Variants in PIEZO2 observed in about 807,000 individuals in gnomAD.
PIEZO2 encodes the protein piezo-type mechanosensitive ion channel component 2.
A neutral mutation model predicts 337.3 loss-of-function variants in PIEZO2; 172 were observed. That is an observed-to-expected ratio of 0.51 (90% CI 0.45 to 0.58). The LOEUF (loss-of-function observed/expected upper bound fraction) is 0.58, where lower values mean the gene tolerates loss of function less well. PIEZO2 is among the 20% of genes least tolerant of loss of function. The pLI, the probability that PIEZO2 is intolerant of heterozygous loss-of-function variation, is 0.00. For synonymous variants in PIEZO2, 1,251 were observed against 1,228.5 expected (o/e 1.02, Z -0.38); for missense variants, 3,028 against 3,391.3 (o/e 0.89, Z 2.66).
intron 14 of PIEZO2, among the ~76,000 whole-genome samples, chr18:10,790,239 A>G (rs1393699977): frequency 6.6e-6 from 1 of 152,232 alleles, no homozygotes; most frequent in Admixed American, 6.5e-5. Context: ...GGTCCAAATA[A>G]GAAACTAAAC....
chr18:10,944,747 G>A (rs1390965630), intron 3 of PIEZO2, among the ~76,000 whole-genome samples: 1 of 151,708 alleles, frequency 6.6e-6, no homozygotes, highest in Non-Finnish European at 1.5e-5. Context: ...GCCAAGATGG[G>A]TTATAAAATT....
Position 10,988,393 on chromosome 18 carries a change from C to A in PIEZO2, c.161-8733G>T, listed in dbSNP as rs2034964266. ...TAGCAGCACAAATGTATTAAGAAAG[C>A]CTCACACCTGTTAAGATGACTATTT... On this transcript the variant is annotated intron_variant, in intron 2 of 55. Transcript: ENST00000674853. This position sits in a 1 kb window ranked among gnomAD's most constrained non-coding sequence, Gnocchi z 4.8. Among the ~76,000 whole-genome samples, 1 of 152,114 alleles carries A rather than the reference C, an allele frequency of 6.6e-6. No individual in the cohort carries two copies. Among genetic ancestry groups the A allele is most frequent in the South Asian group, 2.1e-4 (1 of 4,824 alleles).
Position 10,855,367 on chromosome 18 carries a change from A to C in PIEZO2, c.903T>G (p.Asn301Lys). The change falls in exon 7 of 56, where the codon AAT becomes AAG. Residue 301 changes from asparagine to lysine, a missense_variant. By Grantham distance (94) the Asn-to-Lys change is moderately conservative (BLOSUM62 0). Transcript: ENST00000674853. This position sits in a 1 kb window ranked among gnomAD's most constrained non-coding sequence, Gnocchi z 4.9. ...ATTTCTCTTACCTTGCATAGTAGTC[A>C]TTGGGTGGAACTGCCTCTTGAAAGA... ...FQFFQEAVPP[N>K]DYYARLFGIK... 1.3e-6 allele frequency: 2 copies of C among 1,534,996 alleles called. No homozygotes were observed. Among genetic ancestry groups the C allele is most frequent in the Middle Eastern group, 1.7e-4 (1 of 5,984 alleles).
chr18:11,103,395 C>A (rs912718388), intron 1 of PIEZO2, among the ~76,000 whole-genome samples: 1 of 152,132 alleles, frequency 6.6e-6, no homozygotes, highest in African/African-American at 2.4e-5. Context: ...ACATGACTTC[C>A]AAGATCCATT....
intron 2 of PIEZO2, among the ~76,000 whole-genome samples, chr18:11,012,583 G>C (rs1223061033): frequency 6.6e-6 from 1 of 152,082 alleles, no homozygotes; most frequent in African/African-American, 2.4e-5. Context: ...TGCTGATTTC[G>C]ATTGATTTTT....
At chr18:11,061,360 C>T (rs1348936916) in intron 2 of PIEZO2, among the ~76,000 whole-genome samples, 1 of 149,952 alleles carries the variant, frequency 6.7e-6, no homozygotes, top group Admixed American at 6.7e-5. Flanking sequence ...CAGGGATGCC[C>T]TCTCTCACCA....
intron 4 of PIEZO2, among the ~76,000 whole-genome samples, chr18:10,882,811 A>G (rs966807110): frequency 2.9e-5 from 4 of 139,438 alleles, no homozygotes; most frequent in African/African-American, 1.0e-4. Flanking sequence ...ATAACATTCC[A>G]TTGTGCATAT....
chr18:10,688,742 T>C (rs2034664510), intron 49 of PIEZO2, among the ~76,000 whole-genome samples: 1 of 152,144 alleles, frequency 6.6e-6, no homozygotes, highest in Admixed American at 6.5e-5. Context: ...GACCAAACAA[T>C]CCCTAGTTCT....
At position 10,931,681 on chromosome 18, in the gene PIEZO2, C is replaced by T. The variant is rs150456328; in HGVS notation, c.287-20453G>A. ...CTGTTCTCTCTCCCTCTCATTCTCT[C>T]ACTCTTTCTCTGTGTGGTGTGTGTG... On this transcript the variant is annotated intron_variant, in intron 3 of 55. Transcript: ENST00000674853. 4.3e-3 allele frequency among the ~76,000 whole-genome samples: 639 copies of T among 148,932 alleles called. 2 individuals carry two copies. Among genetic ancestry groups the T allele is most frequent in the Non-Finnish European group, 6.5e-3 (439 of 67,666 alleles).
rs1336425638 is a variant in PIEZO2, at chr18:11,127,621, G to A, written c.64+20904C>T. ...TCAGACTGGCTCTCCTTGCTCCTCA[G>A]CTTGCAGAAAGCCTATTGTGGGACC... On this transcript the variant is annotated intron_variant, in intron 1 of 55. Transcript: ENST00000674853. The surrounding 1 kb of genome is among the most constrained non-coding windows in gnomAD (Gnocchi z 4.5). 6.6e-6 allele frequency among the ~76,000 whole-genome samples: 1 copy of A among 151,882 alleles called. No homozygotes were observed. Among genetic ancestry groups the A allele is most frequent in the Admixed American group, 6.6e-5 (1 of 15,234 alleles).
rs1568030788 is a variant in PIEZO2, at chr18:10,763,063, C to A, written c.2982G>T (p.Trp994Cys). The part of the protein sequence containing the change: ...SLFNYVFLIS[W>C]AFALPYAKLR... ...GCTTGGCGTACGGCAGAGCAAAAGC[C>A]CAAGAAATCAAAAATACATAGTTGA... Residue 994 changes from tryptophan (W) to cysteine (C), a missense_variant, in exon 22 of 56, where the codon TGG becomes TGT. By Grantham distance (215) the Trp-to-Cys change is radical (BLOSUM62 -2). Transcript: ENST00000674853. 1 of 1,537,160 alleles carries A rather than the reference C, an allele frequency of 6.5e-7. No homozygotes were observed. Among genetic ancestry groups the A allele is most frequent in the East Asian group, 2.4e-5 (1 of 40,904 alleles).
chr18:10,764,711 C>A (rs923192723), intron 21 of PIEZO2, among the ~76,000 whole-genome samples: 1 of 152,136 alleles, frequency 6.6e-6, no homozygotes, highest in Non-Finnish European at 1.5e-5. Flanking sequence ...CTGTCCAATG[C>A]AAGGAAGCTC....
chr18:11,064,360 G>T (rs2038080346), intron 2 of PIEZO2, among the ~76,000 whole-genome samples: 1 of 152,164 alleles, frequency 6.6e-6, no homozygotes. Context: ...TCACTGGAAG[G>T]ATGTGTGTGG....
chr18:10,731,813 T>C (rs1313776482), intron 35 of PIEZO2, among the ~76,000 whole-genome samples: 1 of 152,256 alleles, frequency 6.6e-6, no homozygotes, highest in East Asian at 1.9e-4. Flanking sequence ...TGATACTTAT[T>C]ACTGATGCTT....
At position 11,002,986 on chromosome 18, in the gene PIEZO2, C is replaced by T. The variant is rs1012598793; in HGVS notation, c.161-23326G>A. Among the ~76,000 whole-genome samples the T allele has an allele frequency of 7.2e-6, 1 of 139,636 alleles. No homozygotes were observed. Among genetic ancestry groups the T allele is most frequent in the African/African-American group, 3.4e-5 (1 of 29,838 alleles). The allele number at this position is 139,636 out of a possible 152,430, so 91.6% of individuals were successfully genotyped here. A position where few individuals can be genotyped will look rare whatever the true frequency, so the allele number is the denominator to read the frequency against. On this transcript the variant is annotated intron_variant, in intron 2 of 55. Transcript: ENST00000674853. This position sits in a 1 kb window ranked among gnomAD's most constrained non-coding sequence, Gnocchi z 4.3. ...CAGAGGAAGTGAGGCAAGAGGCGCT[C>T]CTGCTACCAGAGGCTTCCTCCTTGA...
intron 31 of PIEZO2, among the ~76,000 whole-genome samples, chr18:10,743,890 T>C (rs1598424959): frequency 6.6e-6 from 1 of 152,192 alleles, no homozygotes; most frequent in African/African-American, 2.4e-5. Flanking sequence ...CAGCTAGCAA[T>C]TGATCCCTGG....
chr18:10,960,418 C>T (rs51918), intron 3 of PIEZO2, among the ~76,000 whole-genome samples: 77,933 of 151,882 alleles, frequency 0.51, 20,320 homozygotes, highest in African/African-American at 0.57. Flanking sequence ...TCATTTAAAC[C>T]CTAAAAGTAT....
At chr18:10,926,556 C>T (rs903978973) in intron 3 of PIEZO2, among the ~76,000 whole-genome samples, 8 of 152,216 alleles carry the variant, frequency 5.3e-5, no homozygotes, top group Admixed American at 2.6e-4. Context: ...ACCTAGGTAG[C>T]CCCCTCAACA....
chr18:10,678,239 T>C (rs1354174680), intron 52 of PIEZO2, among the ~76,000 whole-genome samples: 1 of 152,274 alleles, frequency 6.6e-6, no homozygotes, highest in Non-Finnish European at 1.5e-5. Context: ...TTAAAAAGAA[T>C]ATTCAGTCAG....
Sources: allele counts gnomAD v4.1 joint callset (sites outside exome capture counted in the v4.1 genomes callset), GRCh38; gene constraint gnomAD v4.1.1; non-coding constraint Gnocchi (gnomAD v3.1); transcripts MANE v1.5; gene names NCBI Gene and HGNC (gene_info 2026-07-23, HGNC 2026-07-21).